LRBA: variants seen among roughly 807,000 people sequenced by gnomAD.
The protein encoded by LRBA is lipopolysaccharide-responsive and beige-like anchor protein.
LRBA carries 176 observed loss-of-function variants against 330.0 expected under a neutral mutation model. That is an observed-to-expected ratio of 0.53 (90% CI 0.47 to 0.60). The LOEUF (loss-of-function observed/expected upper bound fraction) is 0.60. Among genes scored for constraint, LRBA ranks in the 20% least tolerant of loss-of-function variants. The probability of loss-of-function intolerance (pLI) is 0.00; values close to 1 mark genes in which losing one functional copy is unlikely to be tolerated. For missense variants in LRBA, 3,259 were observed against 3,444.8 expected (o/e 0.95, Z 1.35); for synonymous variants, 1,230 against 1,193.0 (o/e 1.03, Z -0.64).
At chr4:150,360,238 C>T (rs13128588) in intron 47 of LRBA, among the ~76,000 whole-genome samples, 39,178 of 151,644 alleles carry the variant, frequency 0.26, 6,459 homozygotes, top group Non-Finnish European at 0.37. Flanking sequence ...AGCAATCCTC[C>T]TGCCTTGGCC....
chr4:150,464,497 T>C (rs1374498126), intron 44 of LRBA, among the ~76,000 whole-genome samples: 1 of 152,084 alleles, frequency 6.6e-6, no homozygotes, highest in East Asian at 1.9e-4. Context: ...ACAGATTCCA[T>C]AATACTATGG....
intron 43 of LRBA, among the ~76,000 whole-genome samples, chr4:150,468,445 T>C (rs1755711006): frequency 1.3e-5 from 2 of 152,202 alleles, no homozygotes; most frequent in South Asian, 4.1e-4. Context: ...TTCAATGACA[T>C]ATTTAGATTT....
At chr4:150,705,477 A>C (rs1785525869) in intron 36 of LRBA, among the ~76,000 whole-genome samples, 1 of 152,044 alleles carries the variant, frequency 6.6e-6, no homozygotes, top group South Asian at 2.1e-4. Flanking sequence ...GGAAATTGTA[A>C]AGTTATTCAC....
rs182357328 is a variant in LRBA, at chr4:150,383,084, C to T, written c.7194+32354G>A. On this transcript the variant is annotated intron_variant, in intron 47 of 56. Transcript: ENST00000651943. The stretch of plus-strand genomic sequence containing the variant: ...AGATACTTAATAGCCCATTTCAGAA[C>T]TAGCACATCTTATGGATGATTAACA... Among the ~76,000 whole-genome samples the T allele has an allele frequency of 7.9e-5, 12 of 152,280 alleles. 1 individual carries two copies. The East Asian group carries it at 2.3e-3, about 29-fold the overall frequency.
intron 44 of LRBA, among the ~76,000 whole-genome samples, chr4:150,452,958 A>G (rs1399444770): frequency 2.0e-5 from 3 of 152,236 alleles, no homozygotes; most frequent in African/African-American, 7.2e-5. Flanking sequence ...TAACAAGATT[A>G]AAAACATGAA....
intron 37 of LRBA, among the ~76,000 whole-genome samples, chr4:150,649,674 T>A (rs933540696): frequency 6.6e-6 from 1 of 152,156 alleles, no homozygotes; most frequent in Non-Finnish European, 1.5e-5. Context: ...TAAAGTTCAC[T>A]AGGAACTATT....
At chr4:150,981,398 G>A (rs956058593) in intron 2 of LRBA, among the ~76,000 whole-genome samples, 1 of 132,092 alleles carries the variant, frequency 7.6e-6, no homozygotes, top group Non-Finnish European at 1.6e-5. Context: ...CGGCGACGGA[G>A]TGAGACTGTC....
At chr4:150,729,129 G>C (rs1730100851) in intron 36 of LRBA, among the ~76,000 whole-genome samples, 1 of 152,014 alleles carries the variant, frequency 6.6e-6, no homozygotes, top group Admixed American at 6.6e-5. Context: ...GACCAGCTGG[G>C]CAACATGGTA....
At chr4:150,956,420 G>A (rs1428504610) in intron 2 of LRBA, among the ~76,000 whole-genome samples, 1 of 148,630 alleles carries the variant, frequency 6.7e-6, no homozygotes, top group Non-Finnish European at 1.5e-5. Flanking sequence ...TTAGGCCCAG[G>A]TGGCTTCACT....
intron 36 of LRBA, among the ~76,000 whole-genome samples, chr4:150,717,164 C>T (rs577093081): frequency 2.6e-4 from 40 of 152,232 alleles, no homozygotes; most frequent in Non-Finnish European, 5.1e-4. Context: ...GTTTTCTTAT[C>T]TGTAAAATTG....
chr4:150,529,733 G>A (rs200305413), intron 40 of LRBA, among the ~76,000 whole-genome samples: 19 of 145,454 alleles, frequency 1.3e-4, no homozygotes, highest in Non-Finnish European at 9.1e-5. Flanking sequence ...AAAAAAAAAA[G>A]AAAAAAAAAA....
intron 26 of LRBA, among the ~76,000 whole-genome samples, chr4:150,846,174 T>A (rs1025599660): frequency 6.6e-6 from 1 of 152,186 alleles, no homozygotes; most frequent in Non-Finnish European, 1.5e-5. Flanking sequence ...TATTGTATGT[T>A]CTCACTTATA....
intron 37 of LRBA, among the ~76,000 whole-genome samples, chr4:150,609,459 A>G (rs944172994): frequency 2.0e-5 from 3 of 152,198 alleles, no homozygotes; most frequent in African/African-American, 7.2e-5. Flanking sequence ...AAAGAGTTAC[A>G]GGAAAATGGA....
chr4:150,921,305 A>G lies in LRBA; in HGVS notation c.550-12T>C. The G allele has an allele frequency of 6.6e-7, 1 of 1,517,604 alleles. No homozygotes were observed. Among genetic ancestry groups the G allele is most frequent in the Non-Finnish European group, 9.2e-7 (1 of 1,092,650 alleles). 94.0% of individuals were successfully genotyped at this position (1,517,604 alleles called of 1,614,324 possible). On this transcript the variant is annotated splice_polypyrimidine_tract_variant and intron_variant, in intron 4 of 56. Coordinates refer to ENST00000651943, the MANE Select transcript of LRBA (RefSeq NM_001364905.1). ...CCAGCATGTGGAGGCTATGAAGATA[A>G]TTAACAATTCATTAACCACATTATT...
chr4:150,373,658 A>G (rs1444618189), intron 47 of LRBA, among the ~76,000 whole-genome samples: 1 of 152,136 alleles, frequency 6.6e-6, no homozygotes, highest in Admixed American at 6.5e-5. Context: ...CACTAACATC[A>G]TATTTCCTTC....
chr4:150,681,410 A>G (rs1267082736), intron 37 of LRBA, among the ~76,000 whole-genome samples: 2 of 152,224 alleles, frequency 1.3e-5, no homozygotes, highest in Non-Finnish European at 2.9e-5. Context: ...TAAAAGGAAC[A>G]TTAAGATCCA....
chr4:150,850,632 G>A, intron 24 of LRBA, 92 bp downstream of exon 24: 1 of 728,228 alleles, frequency 1.4e-6, no homozygotes, highest in Admixed American at 3.2e-5. Flanking sequence ...TTAACCAAAT[G>A]TCTGAAATTA....
chr4:150,754,391 A>G (rs928890548), intron 35 of LRBA, among the ~76,000 whole-genome samples: 5 of 151,952 alleles, frequency 3.3e-5, no homozygotes, highest in Admixed American at 6.6e-5. Flanking sequence ...AAGAGCATAT[A>G]CTTTATTCTA....
At chr4:150,837,976 G>A (rs1435615868) in intron 28 of LRBA, among the ~76,000 whole-genome samples, 4 of 152,124 alleles carry the variant, frequency 2.6e-5, no homozygotes, top group Non-Finnish European at 4.4e-5. Context: ...AGCTCTTGTA[G>A]GGCAGGCCTG....
Sources: gnomAD v4.1 joint callset for allele counts (sites outside exome capture counted in the v4.1 genomes callset) on GRCh38, gnomAD v4.1.1 for gene constraint, MANE v1.5 for transcripts, NCBI Gene and HGNC (gene_info 2026-07-23, HGNC 2026-07-21) for gene names.